Variants in C12orf42 observed in about 807,000 individuals in gnomAD.
C12orf42 encodes chromosome 12 open reading frame 42, also known as uncharacterized protein C12orf42.
A neutral mutation model predicts 21.6 loss-of-function variants in C12orf42; 25 were observed. The observed-to-expected ratio is 1.16, with a 90% CI of 0.84 to 1.62. The LOEUF is 1.62. Among genes scored for constraint, C12orf42 ranks in the 40% most tolerant of loss-of-function variants. The probability of loss-of-function intolerance (pLI) is 0.00; values close to 1 mark genes in which losing one functional copy is unlikely to be tolerated. For synonymous variants in C12orf42, 174 were observed against 175.0 expected, an observed-to-expected ratio of 0.99 and a Z score of 0.05; for missense variants, 483 against 459.3, an observed-to-expected ratio of 1.05 and a Z score of -0.47.
the C12orf42 span, among the ~76,000 whole-genome samples, chr12:103,056,872 C>T: frequency 3.3e-5 from 5 of 151,998 alleles, no homozygotes; most frequent in Middle Eastern, 3.2e-3. Context: ...TATTTTTCTG[C>T]TAAGATTTTT....
At chr12:103,467,008 G>A (rs1352866579) in intron 2 of C12orf42, among the ~76,000 whole-genome samples, 3 of 152,166 alleles carry the variant, frequency 2.0e-5, no homozygotes, top group Admixed American at 1.3e-4. Context: ...CTGTCTAGTG[G>A]ACCCACAGCT....
the C12orf42 span, among the ~76,000 whole-genome samples, chr12:103,139,232 T>C: frequency 6.6e-6 from 1 of 152,226 alleles, no homozygotes; most frequent in Admixed American, 6.5e-5. Flanking sequence ...AAGCGCATTA[T>C]TAAACCAGAT....
At position 103,329,542 on chromosome 12, in the gene C12orf42, T is replaced by TAAAATA. The variant is rs1477383097; in HGVS notation, c.260-23203_260-23198dup. ...TTCACATGCATCCCAGAACTTAAAG[T>TAAAATA]AAAATAAAAATTAAAATTAAAAAAA... On this transcript the variant is annotated intron_variant, in intron 4 of 5. Coordinates refer to ENST00000548883, the MANE Select transcript of C12orf42 (RefSeq NM_198521.5). 7.5e-3 allele frequency among the ~76,000 whole-genome samples: 1,118 copies of TAAAATA among 148,884 alleles called. 8 individuals carry two copies. The highest frequency in any genetic ancestry group is 0.026 in the African/African-American group (1,056 of 40,270).
chr12:103,170,367 C>G, the C12orf42 span, among the ~76,000 whole-genome samples: 1 of 152,064 alleles, frequency 6.6e-6, no homozygotes, highest in African/African-American at 2.4e-5. Context: ...GAACTTTCTC[C>G]TCCTCTCTTC....
At chr12:103,534,685 G>A in the C12orf42 span, among the ~76,000 whole-genome samples, 1 of 152,122 alleles carries the variant, frequency 6.6e-6, no homozygotes, top group Non-Finnish European at 1.5e-5. Context: ...GGTAATAAGT[G>A]GGGTGAGACG....
chr12:103,483,696 G>C (rs1177895857), intron 1 of C12orf42, among the ~76,000 whole-genome samples: 1 of 151,602 alleles, frequency 6.6e-6, no homozygotes, highest in Admixed American at 6.6e-5. Flanking sequence ...AAGTTCTAGG[G>C]TACATGTGCA....
chr12:103,453,347 A>G (rs1393483821), intron 2 of C12orf42, among the ~76,000 whole-genome samples: 1 of 151,886 alleles, frequency 6.6e-6, no homozygotes, highest in Non-Finnish European at 1.5e-5. Context: ...TTATTAACAT[A>G]AAGTTTTAAT....
At chr12:103,536,833 C>T in the C12orf42 span, among the ~76,000 whole-genome samples, 1 of 152,184 alleles carries the variant, frequency 6.6e-6, no homozygotes, top group Non-Finnish European at 1.5e-5. Flanking sequence ...ATCAGCGAGG[C>T]CTTCCCTTAC....
intron 4 of C12orf42, among the ~76,000 whole-genome samples, chr12:103,287,346 C>T (rs976414918): frequency 6.6e-6 from 1 of 152,190 alleles, no homozygotes; most frequent in Non-Finnish European, 1.5e-5. Flanking sequence ...AAATGTGGCA[C>T]ATAGACGCCA....
At chr12:103,447,369 CT>C (rs1282811889) in intron 2 of C12orf42, among the ~76,000 whole-genome samples, 1 of 151,884 alleles carries the variant, frequency 6.6e-6, no homozygotes, top group African/African-American at 2.4e-5. Flanking sequence ...AGCATTTCCC[CT>C]GAGAATCGGA....
the C12orf42 span, among the ~76,000 whole-genome samples, chr12:103,083,137 G>A: frequency 2.0e-5 from 3 of 152,166 alleles, no homozygotes; most frequent in African/African-American, 7.2e-5. Context: ...GGCCGAGGCG[G>A]GTGGATCATC....
At chr12:103,291,303 G>A (rs1233977565) in intron 4 of C12orf42, among the ~76,000 whole-genome samples, 1 of 152,152 alleles carries the variant, frequency 6.6e-6, no homozygotes, top group East Asian at 1.9e-4. Flanking sequence ...TTGTGTAGAA[G>A]AGGATAACAA....
the C12orf42 span, among the ~76,000 whole-genome samples, chr12:103,533,084 G>A: frequency 0.17 from 25,177 of 152,084 alleles, 2,516 homozygotes; most frequent in South Asian, 0.32. Context: ...AACATTCTCC[G>A]GCTGCATTTC....
the C12orf42 span, among the ~76,000 whole-genome samples, chr12:103,185,477 C>CTTCCTTCCTTCCTTCCTTA: frequency 6.9e-6 from 1 of 144,104 alleles, no homozygotes; most frequent in African/African-American, 2.6e-5. Flanking sequence ...TTTTCCCTTC[C>CTTCCTTCCTTCCTTCCTTA]TTCCTTCCTT....
chr12:103,470,493 T>C (rs966496792), intron 2 of C12orf42, among the ~76,000 whole-genome samples: 1 of 152,238 alleles, frequency 6.6e-6, no homozygotes, highest in Admixed American at 6.5e-5. Context: ...AGATTTTGCT[T>C]GTTACCACGC....
At chr12:103,394,324 G>C (rs984099645) in intron 3 of C12orf42, among the ~76,000 whole-genome samples, 1 of 152,134 alleles carries the variant, frequency 6.6e-6, no homozygotes, top group African/African-American at 2.4e-5. Context: ...ACTCACACCT[G>C]CTGAGAAAAT....
intron 4 of C12orf42, among the ~76,000 whole-genome samples, chr12:103,352,160 T>A (rs554278298): frequency 6.6e-6 from 1 of 152,254 alleles, no homozygotes; most frequent in African/African-American, 2.4e-5. Flanking sequence ...GTTTCCCTGG[T>A]TCTTCACTTA....
intron 4 of C12orf42, among the ~76,000 whole-genome samples, chr12:103,321,062 T>A (rs542686026): frequency 2.5e-4 from 38 of 152,342 alleles, no homozygotes; most frequent in African/African-American, 7.0e-4. Context: ...AAAGTTTTTT[T>A]AAAAATTTCT....
chr12:103,542,293 G>A, the C12orf42 span, among the ~76,000 whole-genome samples: 2 of 152,232 alleles, frequency 1.3e-5, no homozygotes, highest in East Asian at 3.8e-4. Flanking sequence ...GTGCGTCTGT[G>A]AGTGCTGATG....
Sources: allele counts gnomAD v4.1 joint callset (sites outside exome capture counted in the v4.1 genomes callset), GRCh38; gene constraint gnomAD v4.1.1; transcripts MANE v1.5; gene names NCBI Gene and HGNC (gene_info 2026-07-23, HGNC 2026-07-21).